Variants in PLCL1 observed in about 807,000 individuals in gnomAD.
PLCL1 encodes the protein inactive phospholipase C-like protein 1.
PLCL1 carries 41 observed loss-of-function variants against 84.4 expected under a neutral mutation model. The observed-to-expected ratio is 0.49, with a 90% CI of 0.38 to 0.63. PLCL1 has a LOEUF of 0.63. PLCL1 is among the 30% of genes least tolerant of loss of function. The probability of loss-of-function intolerance (pLI) is 0.00; values close to 1 mark genes in which losing one functional copy is unlikely to be tolerated. For synonymous variants in PLCL1, 490 were observed against 488.3 expected, an observed-to-expected ratio of 1.00 and a Z score of -0.05; for missense variants, 1,206 against 1,367.8, an observed-to-expected ratio of 0.88 and a Z score of 1.87.
chr2:197,915,143 C>T (rs1401095), intron 1 of PLCL1, among the ~76,000 whole-genome samples: 41,339 of 152,088 alleles, frequency 0.27, 6,692 homozygotes, highest in East Asian at 0.5. Context: ...AGAACAATTC[C>T]AACTTCCAGA....
chr2:198,111,979 A>G (rs1224247316), intron 5 of PLCL1, among the ~76,000 whole-genome samples: 1 of 151,906 alleles, frequency 6.6e-6, no homozygotes, highest in African/African-American at 2.4e-5. Context: ...GTCAGTGGTT[A>G]GTGCAGAAAG....
chr2:198,137,576 G>A (rs1366717067), intron 5 of PLCL1, among the ~76,000 whole-genome samples: 1 of 152,138 alleles, frequency 6.6e-6, no homozygotes, highest in Non-Finnish European at 1.5e-5. Flanking sequence ...AAGACTGGAG[G>A]AGGATTCTTG....
chr2:197,833,917 A>C (rs1691126278), intron 1 of PLCL1, among the ~76,000 whole-genome samples: 2 of 152,228 alleles, frequency 1.3e-5, no homozygotes, highest in South Asian at 4.1e-4. Flanking sequence ...TTCAAACTGT[A>C]CTACAAGGCC....
rs1275271693 is a variant in PLCL1, at chr2:198,084,851, A to C, written c.1334A>C (p.Asp445Ala). 6.2e-7 allele frequency: 1 copy of C among 1,614,012 alleles called. No individual in the cohort carries two copies. The highest frequency in any genetic ancestry group is 8.5e-7 in the Non-Finnish European group (1 of 1,179,936). The change falls in exon 2 of 6, where the codon GAT becomes GCT. Residue 445 changes from aspartate (D) to alanine (A), a missense_variant. Transcript: ENST00000428675. The stretch of plus-strand genomic sequence containing the variant: ...ATGGGCTGTCGAAGCGTTGAACTCG[A>C]TGTAAGTGATGGTTCAGATAATGAA... Reference protein sequence around the residue: ...LKMGCRSVELDVSDGSDNEPI... With the variant: ...LKMGCRSVELAVSDGSDNEPI...
chr2:198,072,704 A>C (rs982712854), intron 1 of PLCL1, among the ~76,000 whole-genome samples: 1 of 151,944 alleles, frequency 6.6e-6, no homozygotes, highest in African/African-American at 2.4e-5. Flanking sequence ...GTATTTTGTC[A>C]GATGTCTTTG....
At chr2:198,141,499 T>G (rs1484605757) in intron 5 of PLCL1, among the ~76,000 whole-genome samples, 1 of 150,730 alleles carries the variant, frequency 6.6e-6, no homozygotes, top group Non-Finnish European at 1.5e-5. Flanking sequence ...AAAAAAAGTC[T>G]AACATGACAT....
rs142819339 is a variant in PLCL1 at position 198,004,932 on chromosome 2, A to G, written c.241-78826A>G. On this transcript the variant is annotated intron_variant, in intron 1 of 5. Coordinates refer to ENST00000428675, the MANE Select transcript of PLCL1 (RefSeq NM_006226.4). ...AAAAGGTCCAACTTAGCCAATGAACATAAAAGTGCTTACTGCTAATTTAGC... is the reference window on the plus strand; with the variant it reads ...AAAAGGTCCAACTTAGCCAATGAACGTAAAAGTGCTTACTGCTAATTTAGC... Among the ~76,000 whole-genome samples, 414 of 152,354 alleles carry G rather than the reference A, an allele frequency of 2.7e-3. 8 individuals carry two copies. Among genetic ancestry groups the G allele is most frequent in the Admixed American group, 0.019 (291 of 15,304 alleles).
chr2:197,920,640 A>G (rs992377529), intron 1 of PLCL1, among the ~76,000 whole-genome samples: 2 of 152,196 alleles, frequency 1.3e-5, no homozygotes, highest in African/African-American at 2.4e-5. Context: ...TCAAATTATT[A>G]TAGTTCTTAC....
chr2:198,136,072 T>C (rs2105940945), intron 5 of PLCL1, among the ~76,000 whole-genome samples: 1 of 152,320 alleles, frequency 6.6e-6, no homozygotes, highest in African/African-American at 2.4e-5. Context: ...ATCCTGGCTT[T>C]TATTGTCGCA....
chr2:197,836,315 T>C (rs554567007), intron 1 of PLCL1, among the ~76,000 whole-genome samples: 4 of 151,648 alleles, frequency 2.6e-5, no homozygotes, highest in South Asian at 4.2e-4. Flanking sequence ...GGCGTAGTGG[T>C]GGGCGCCTGT....
At chr2:198,104,331 G>GCCCTCCAGCTCCAT (rs1164423354) in intron 5 of PLCL1, among the ~76,000 whole-genome samples, 3 of 151,932 alleles carry the variant, frequency 2.0e-5, no homozygotes, top group Admixed American at 6.6e-5. Flanking sequence ...TTAGGATAAA[G>GCCCTCCAGCTCCAT]CCCTCCAGCT....
intron 1 of PLCL1, among the ~76,000 whole-genome samples, chr2:197,945,879 C>T (rs1473407363): frequency 1.3e-5 from 2 of 152,102 alleles, no homozygotes; most frequent in Non-Finnish European, 2.9e-5. Context: ...TATATTAATA[C>T]ACTTTAATAT....
chr2:197,857,113 C>CGA (rs1405376054), intron 1 of PLCL1, among the ~76,000 whole-genome samples: 2 of 151,818 alleles, frequency 1.3e-5, no homozygotes, highest in African/African-American at 4.8e-5. Context: ...CCTGCACATC[C>CGA]TGCACATGTA....
intron 5 of PLCL1, among the ~76,000 whole-genome samples, chr2:198,131,927 A>G (rs1230582813): frequency 6.6e-6 from 1 of 152,184 alleles, no homozygotes; most frequent in East Asian, 1.9e-4. Context: ...CTCAGGCTAG[A>G]AGATCCTTCA....
intron 1 of PLCL1, among the ~76,000 whole-genome samples, chr2:197,822,882 A>C (rs371771822): frequency 6.6e-6 from 1 of 152,194 alleles, no homozygotes; most frequent in East Asian, 1.9e-4. Context: ...ACAGTTCAGC[A>C]AAGTTGTCTT....
intron 1 of PLCL1, among the ~76,000 whole-genome samples, chr2:197,850,203 T>C (rs1687207875): frequency 6.6e-6 from 1 of 152,196 alleles, no homozygotes; most frequent in African/African-American, 2.4e-5. Flanking sequence ...TCAGATTTTC[T>C]CCAAGGTTTC....
Position 198,149,395 on chromosome 2 carries a change from G to C in PLCL1, c.*2433G>C, listed in dbSNP as rs1694593686. 2.0e-5 allele frequency: 3 copies of C among 151,880 alleles called. No individual in the cohort carries two copies. Among genetic ancestry groups the C allele is most frequent in the African/African-American group, 4.8e-5 (2 of 41,360 alleles). The allele number at this position is 151,880 out of a possible 1,614,324, so 9.4% of individuals were successfully genotyped here. ...AATAGGATCTGAGGTGGAGATGGCG[G>C]GTATTATCACTGGCATTTTACAGGT... On this transcript the variant is annotated 3_prime_UTR_variant, in exon 6 of 6. Coordinates refer to ENST00000428675, the MANE Select transcript of PLCL1 (RefSeq NM_006226.4).
chr2:198,146,465 T>C (rs1468503828), intron 5 of PLCL1, among the ~76,000 whole-genome samples: 2 of 151,984 alleles, frequency 1.3e-5, no homozygotes, highest in Non-Finnish European at 2.9e-5. Flanking sequence ...GTGTGCAGAG[T>C]CTCAGACCAT....
At chr2:198,055,522 T>C (rs3068254) in intron 1 of PLCL1, among the ~76,000 whole-genome samples, 12 of 16,034 alleles carry the variant, frequency 7.5e-4, no homozygotes, top group Admixed American at 1.0e-3. Context: ...TTTTATTTTG[T>C]TTTTTTTTTT....
Sources: allele counts gnomAD v4.1 joint callset (sites outside exome capture counted in the v4.1 genomes callset), GRCh38; gene constraint gnomAD v4.1.1; transcripts MANE v1.5; gene names NCBI Gene and HGNC (gene_info 2026-07-23, HGNC 2026-07-21).